Variants in TRABD2B observed in about 807,000 individuals in gnomAD.
TRABD2B encodes metalloprotease TIKI2.
In TRABD2B, 14 loss-of-function variants were observed where a neutral mutation model predicts 40.1. The ratio of observed to expected loss-of-function variants is 0.35; its 90% CI spans 0.23 to 0.55. The LOEUF (loss-of-function observed/expected upper bound fraction) is 0.55, where lower values mean the gene tolerates loss of function less well. Among genes scored for constraint, TRABD2B ranks in the 20% least tolerant of loss-of-function variants. The pLI is 0.90. For synonymous variants in TRABD2B, 263 were observed against 277.0 expected, an observed-to-expected ratio of 0.95 and a Z score of 0.50; for missense variants, 541 against 648.6, an observed-to-expected ratio of 0.83 and a Z score of 1.80.
At chr1:47,784,995 G>A (rs1319756416) in intron 4 of TRABD2B, among the ~76,000 whole-genome samples, 1 of 152,196 alleles carries the variant, frequency 6.6e-6, no homozygotes, top group East Asian at 1.9e-4. Context: ...GGAAGGAGAG[G>A]GACCCAGACT....
intron 3 of TRABD2B, 83 bp from the exon 4 acceptor site, chr1:47,794,843 A>G (rs1569958291): frequency 7.6e-7 from 1 of 1,317,534 alleles, no homozygotes; most frequent in South Asian, 1.6e-5. Context: ...CCCAGGTTGG[A>G]GTGCAGTGGC....
intron 2 of TRABD2B, among the ~76,000 whole-genome samples, chr1:47,915,469 T>A (rs1260212092): frequency 6.6e-6 from 1 of 152,212 alleles, no homozygotes; most frequent in Non-Finnish European, 1.5e-5. Flanking sequence ...ATACGCTGCC[T>A]GGCCCAGTCC....
intron 2 of TRABD2B, among the ~76,000 whole-genome samples, chr1:47,825,591 A>G (rs1454286936): frequency 6.6e-6 from 1 of 152,222 alleles, no homozygotes; most frequent in African/African-American, 2.4e-5. Flanking sequence ...GAGCTCTGCC[A>G]GGGCAGCATC....
intron 2 of TRABD2B, among the ~76,000 whole-genome samples, chr1:47,904,622 C>T (rs1240499876): frequency 2.0e-5 from 3 of 152,088 alleles, no homozygotes; most frequent in Non-Finnish European, 4.4e-5. Context: ...ATCTCATCTT[C>T]ACAACAGGAT....
intron 2 of TRABD2B, among the ~76,000 whole-genome samples, chr1:47,937,093 T>C (rs1204620735): frequency 6.9e-6 from 1 of 145,466 alleles, no homozygotes; most frequent in African/African-American, 2.5e-5. Flanking sequence ...ACCACTACCA[T>C]GATCATCACC....
chr1:47,878,445 C>T (rs1366128865), intron 2 of TRABD2B, among the ~76,000 whole-genome samples: 1 of 152,186 alleles, frequency 6.6e-6, no homozygotes, highest in Non-Finnish European at 1.5e-5. Flanking sequence ...CACACAGCCA[C>T]GAACTAGAAG....
At chr1:47,770,309 G>A (rs982759401) in intron 6 of TRABD2B, among the ~76,000 whole-genome samples, 116 of 152,150 alleles carry the variant, frequency 7.6e-4, no homozygotes, top group African/African-American at 2.5e-3. Context: ...CAAGCAGGTC[G>A]GATGAGAGAT....
intron 6 of TRABD2B, among the ~76,000 whole-genome samples, chr1:47,767,506 C>T (rs1644320890): frequency 6.6e-6 from 1 of 152,202 alleles, no homozygotes; most frequent in South Asian, 2.1e-4. Context: ...ACCTTTGGAC[C>T]TCATGACAAC....
intron 2 of TRABD2B, among the ~76,000 whole-genome samples, chr1:47,973,453 G>A (rs1418135607): frequency 2.6e-5 from 4 of 152,180 alleles, no homozygotes; most frequent in Non-Finnish European, 5.9e-5. Flanking sequence ...GCCAACAAAC[G>A]AATTCCAGGA....
intron 2 of TRABD2B, among the ~76,000 whole-genome samples, chr1:47,848,831 T>G (rs1243229209): frequency 6.6e-6 from 1 of 152,228 alleles, no homozygotes; most frequent in African/African-American, 2.4e-5. Flanking sequence ...CTTGACCATG[T>G]GTCCCCAGGA....
intron 2 of TRABD2B, among the ~76,000 whole-genome samples, chr1:47,951,270 A>G (rs775604758): frequency 1.3e-5 from 2 of 152,224 alleles, no homozygotes; most frequent in Non-Finnish European, 2.9e-5. Flanking sequence ...AACCCAACCA[A>G]GGGGCCAGGG....
intron 2 of TRABD2B, among the ~76,000 whole-genome samples, chr1:47,897,940 C>T (rs552255239): frequency 8.3e-4 from 126 of 152,290 alleles, no homozygotes; most frequent in African/African-American, 3.0e-3. Context: ...TAGCTATTTA[C>T]CTGATACAAG....
chr1:47,885,973 T>C (rs1422118434), intron 2 of TRABD2B, among the ~76,000 whole-genome samples: 3 of 152,328 alleles, frequency 2.0e-5, no homozygotes, highest in Middle Eastern at 3.4e-3. Context: ...GGGTCTGGAA[T>C]GCCTTCAACC....
chr1:47,906,448 A>T (rs1644679086), intron 2 of TRABD2B, among the ~76,000 whole-genome samples: 2 of 152,326 alleles, frequency 1.3e-5, no homozygotes, highest in South Asian at 4.1e-4. Flanking sequence ...CCACGCTCTT[A>T]GCCATGGCGA....
chr1:47,776,880 C>T (rs1451860166), intron 5 of TRABD2B, among the ~76,000 whole-genome samples: 4 of 152,156 alleles, frequency 2.6e-5, no homozygotes, highest in African/African-American at 7.2e-5. Context: ...CTGGAGATGC[C>T]GCAGCTGCTG....
At chr1:47,877,635 G>A (rs1644243657) in intron 2 of TRABD2B, among the ~76,000 whole-genome samples, 1 of 152,078 alleles carries the variant, frequency 6.6e-6, no homozygotes, top group Non-Finnish European at 1.5e-5. Context: ...ACACTTTGGA[G>A]GCATGAAAAA....
intron 2 of TRABD2B, 100 bp from the exon 3 acceptor site, chr1:47,801,719 T>A: frequency 7.2e-7 from 1 of 1,393,262 alleles, no homozygotes; most frequent in Non-Finnish European, 9.5e-7. Flanking sequence ...GCAACAGGCC[T>A]GAAACAGAGA....
intron 2 of TRABD2B, among the ~76,000 whole-genome samples, chr1:47,988,592 A>C (rs1645954927): frequency 6.6e-6 from 1 of 152,172 alleles, no homozygotes; most frequent in African/African-American, 2.4e-5. Flanking sequence ...ACTGGAACCA[A>C]CAGGCTCTGG....
At chr1:47,882,733 G>A (rs1344438306) in intron 2 of TRABD2B, among the ~76,000 whole-genome samples, 2 of 152,094 alleles carry the variant, frequency 1.3e-5, no homozygotes, top group Non-Finnish European at 2.9e-5. Flanking sequence ...CTGGAGGGGA[G>A]CAAGGGTCAC....
Sources: gnomAD v4.1 joint callset for allele counts (sites outside exome capture counted in the v4.1 genomes callset) on GRCh38, gnomAD v4.1.1 for gene constraint, MANE v1.5 for transcripts, NCBI Gene and HGNC (gene_info 2026-07-23, HGNC 2026-07-21) for gene names.